CD96: variants seen among roughly 807,000 people sequenced by gnomAD.
The protein encoded by CD96 is CD96 molecule, also known as T-cell surface protein tactile.
Under a neutral mutation model 71.3 loss-of-function variants are expected in CD96, and 70 were observed. That is an observed-to-expected ratio of 0.98 (90% CI 0.81 to 1.20). The LOEUF (loss-of-function observed/expected upper bound fraction) is 1.20, where lower values mean the gene tolerates loss of function less well. Ranked by LOEUF, CD96 falls within the 50% of genes most tolerant of loss-of-function variation. CD96 has a pLI of 0.00. For missense variants in CD96, 742 were observed against 677.5 expected, an observed-to-expected ratio of 1.10 and a Z score of -1.06; for synonymous variants, 248 against 233.0, an observed-to-expected ratio of 1.06 and a Z score of -0.59.
chr3:111,562,404 C>T (rs1266984765), intron 2 of CD96, among the ~76,000 whole-genome samples: 1 of 152,066 alleles, frequency 6.6e-6, no homozygotes, highest in Non-Finnish European at 1.5e-5. Flanking sequence ...TATAGACAGA[C>T]TATAGAATAT....
At chr3:111,545,507 G>T in intron 2 of CD96, 105 bp downstream of exon 2, 1 of 787,932 alleles carries the variant, frequency 1.3e-6, no homozygotes, top group South Asian at 1.4e-5. Flanking sequence ...AGCATACAAA[G>T]GTTGAGCAGA....
intron 12 of CD96, among the ~76,000 whole-genome samples, chr3:111,639,285 T>TG (rs1939483553): frequency 1.3e-5 from 2 of 152,042 alleles, no homozygotes; most frequent in African/African-American, 4.8e-5. Flanking sequence ...GTTGGCGGGG[T>TG]GGGGGGCATG....
chr3:111,601,950 T>C (rs1937511047), intron 7 of CD96, among the ~76,000 whole-genome samples: 1 of 152,220 alleles, frequency 6.6e-6, no homozygotes. Flanking sequence ...ATCGCTCCCG[T>C]AGCCTTGCCT....
rs1305461983 is a variant in CD96, at chr3:111,637,183, C to T, written c.1322-13C>T. On this transcript the variant is annotated splice_polypyrimidine_tract_variant and intron_variant, in intron 10 of 13. Coordinates refer to ENST00000352690, the MANE Select transcript of CD96 (RefSeq NM_005816.5). ...TCATATAGGTTAACTCTTCTGATATCTTCTTCCTTTAGCAGTTTCACGGAT... is the reference window on the plus strand; with the variant it reads ...TCATATAGGTTAACTCTTCTGATATTTTCTTCCTTTAGCAGTTTCACGGAT... 1 of 1,462,830 alleles carries T rather than the reference C, an allele frequency of 6.8e-7. No homozygotes were observed. Among genetic ancestry groups the T allele is most frequent in the South Asian group, 1.1e-5 (1 of 88,094 alleles). The allele number at this position is 1,462,830 out of a possible 1,614,324, so 90.6% of individuals were successfully genotyped here.
intron 14 of CD96, among the ~76,000 whole-genome samples, chr3:111,664,354 G>A (rs1356955925): frequency 2.6e-5 from 4 of 152,122 alleles, no homozygotes; most frequent in Non-Finnish European, 5.9e-5. Flanking sequence ...CATGTCCTTT[G>A]CAGCAACGTG....
intron 14 of CD96, among the ~76,000 whole-genome samples, chr3:111,657,422 A>T (rs1163141007): frequency 2.6e-5 from 4 of 152,116 alleles, no homozygotes; most frequent in Admixed American, 2.0e-4. Context: ...TTCAAAAAAA[A>T]AAAAACCTAA....
At chr3:111,552,413 C>T (rs181230830) in intron 2 of CD96, among the ~76,000 whole-genome samples, 9 of 152,108 alleles carry the variant, frequency 5.9e-5, no homozygotes, top group East Asian at 5.8e-4. Context: ...CCAAACCTGC[C>T]GATGTTTTGA....
intron 4 of CD96, among the ~76,000 whole-genome samples, chr3:111,582,545 A>G (rs979316004): frequency 2.6e-5 from 4 of 152,126 alleles, no homozygotes; most frequent in African/African-American, 4.8e-5. Context: ...GACCTTTATA[A>G]TGAGACTTTA....
In CD96 at chr3:111,650,077, C is replaced by T; in HGVS notation, c.*271C>T. On this transcript the variant is annotated 3_prime_UTR_variant, in exon 14 of 14. Transcript: ENST00000352690. ...ATGTAAGAAGTACATATTAGTCTGC[C>T]ATCTTTAAAAAAAAATACAGTATTT... 2 of 432,124 alleles carry T rather than the reference C, an allele frequency of 4.6e-6. No individual in the cohort carries two copies. Among genetic ancestry groups the T allele is most frequent in the Non-Finnish European group, 8.6e-6 (2 of 231,792 alleles). The allele number at this position is 432,124 out of a possible 1,614,324, so 26.8% of individuals were successfully genotyped here.
chr3:111,600,629 C>A, intron 6 of CD96, 97 bp from the exon 7 acceptor site: 1 of 934,054 alleles, frequency 1.1e-6, no homozygotes, highest in Non-Finnish European at 1.7e-6. Flanking sequence ...ACTTTAGACT[C>A]TACATTACCA....
At position 111,585,312 on chromosome 3, in the gene CD96, T is replaced by C; in HGVS notation, c.752-11T>C. 1 of 1,598,930 alleles carries C rather than the reference T, an allele frequency of 6.3e-7. No homozygotes were observed. The highest frequency in any genetic ancestry group is 8.6e-7 in the Non-Finnish European group (1 of 1,166,322). On this transcript the variant is annotated splice_polypyrimidine_tract_variant and intron_variant, in intron 4 of 13. Coordinates refer to ENST00000352690, the MANE Select transcript of CD96 (RefSeq NM_005816.5). The stretch of plus-strand genomic sequence containing the variant: ...TTTGGTGCCACTAACTATGTTTTAT[T>C]TGCCTTTAAGCTAAACCAGAAATCC...
chr3:111,555,442 A>G (rs532022151), intron 2 of CD96, among the ~76,000 whole-genome samples: 1 of 152,400 alleles, frequency 6.6e-6, no homozygotes, highest in East Asian at 1.9e-4. Context: ...AGATTTTTTC[A>G]TTTTTAATTT....
intron 8 of CD96, among the ~76,000 whole-genome samples, chr3:111,608,996 A>G (rs1937768962): frequency 2.0e-5 from 3 of 152,230 alleles, no homozygotes. Flanking sequence ...ACCAGTAAGT[A>G]TTAGACTTTG....
chr3:111,664,789 T>C (rs952594556), intron 14 of CD96, among the ~76,000 whole-genome samples: 1 of 152,180 alleles, frequency 6.6e-6, no homozygotes, highest in African/African-American at 2.4e-5. Flanking sequence ...TGACAATTGA[T>C]TGCAATACCT....
At chr3:111,554,083 C>T (rs1026385376) in intron 2 of CD96, among the ~76,000 whole-genome samples, 4 of 151,758 alleles carry the variant, frequency 2.6e-5, no homozygotes, top group South Asian at 2.1e-4. Context: ...ATTTCTGATA[C>T]TTGCATGCTT....
chr3:111,618,966 C>A (rs967794435), intron 8 of CD96, among the ~76,000 whole-genome samples: 1 of 152,002 alleles, frequency 6.6e-6, no homozygotes, highest in African/African-American at 2.4e-5. Context: ...TATAGTAGGT[C>A]CATATTAAAT....
chr3:111,583,607 T>C (rs1694107), intron 4 of CD96, among the ~76,000 whole-genome samples: 1 of 152,218 alleles, frequency 6.6e-6, no homozygotes, highest in African/African-American at 2.4e-5. Context: ...AGGTAGATGT[T>C]CCCAAACCTC....
At chr3:111,627,064 T>C (rs1484283883) in intron 10 of CD96, among the ~76,000 whole-genome samples, 2 of 152,314 alleles carry the variant, frequency 1.3e-5, no homozygotes, top group East Asian at 3.9e-4. Context: ...GAAAAATATG[T>C]TCAGTAATAA....
intron 8 of CD96, among the ~76,000 whole-genome samples, chr3:111,613,333 T>C (rs1269608935): frequency 6.6e-6 from 1 of 152,216 alleles, no homozygotes; most frequent in Non-Finnish European, 1.5e-5. Context: ...TGAAACCCTT[T>C]CTGGACCAGT....
Sources: gnomAD v4.1 joint callset for allele counts (sites outside exome capture counted in the v4.1 genomes callset) on GRCh38, gnomAD v4.1.1 for gene constraint, MANE v1.5 for transcripts, NCBI Gene and HGNC (gene_info 2026-07-23, HGNC 2026-07-21) for gene names.